DGKZ: variants seen among roughly 807,000 people sequenced by gnomAD.
DGKZ encodes the protein diacylglycerol kinase zeta.
In DGKZ, 45 loss-of-function variants were observed where a neutral mutation model predicts 142.5. The observed-to-expected ratio is 0.32, with a 90% CI of 0.25 to 0.40. The LOEUF (loss-of-function observed/expected upper bound fraction) is 0.40, where lower values mean the gene tolerates loss of function less well. Among genes scored for constraint, DGKZ ranks in the 10% least tolerant of loss-of-function variants. The probability of loss-of-function intolerance (pLI) is 1.00; values close to 1 mark genes in which losing one functional copy is unlikely to be tolerated. For synonymous variants in DGKZ, 442 were observed against 527.0 expected, an observed-to-expected ratio of 0.84 and a Z score of 2.21; for missense variants, 755 against 1,306.5, an observed-to-expected ratio of 0.58 and a Z score of 6.51.
intron 1 of DGKZ, chr11:46,361,665 T>C (rs1341322263): frequency 3.0e-6 from 3 of 985,380 alleles, no homozygotes; most frequent in Non-Finnish European, 3.6e-6. Context: ...AGCCCGGCCT[T>C]GGGGACCCCA....
chr11:46,350,553 CG>C (rs1015749316), intron 1 of DGKZ, among the ~76,000 whole-genome samples: 223 of 151,632 alleles, frequency 1.5e-3, no homozygotes, highest in African/African-American at 5.0e-3. Flanking sequence ...AGGGGCCCGA[CG>C]GGAAGATCAA....
In DGKZ at chr11:46,347,535, G is replaced by T; in HGVS notation, c.-125G>T. 1.0e-6 allele frequency: 1 copy of T among 983,546 alleles called. No individual in the cohort carries two copies. The allele number at this position is 983,546 out of a possible 1,614,324, so 60.9% of individuals were successfully genotyped here. A position where few individuals can be genotyped will look rare whatever the true frequency, so the allele number is the denominator to read the frequency against. The stretch of plus-strand genomic sequence containing the variant: ...GTGGGGAGCGGGGGCGCGCGGCGCG[G>T]GGCGGGCGGAGCGAGCGCGCGCCAT... On this transcript the variant is annotated 5_prime_UTR_variant, in exon 1 of 31. Transcript: ENST00000527911. This position sits in a 1 kb window ranked among gnomAD's most constrained non-coding sequence, Gnocchi z 6.4.
Position 46,347,584 on chromosome 11 carries a change from G to T in DGKZ, c.-76G>T. ...ATGGAGGTGGCGGGCGGCGCGGAGCGGGCGTGCTGAGCCCCGGCCGCCGGC... is the reference window on the plus strand; with the variant it reads ...ATGGAGGTGGCGGGCGGCGCGGAGCTGGCGTGCTGAGCCCCGGCCGCCGGC... On this transcript the variant is annotated 5_prime_UTR_variant, in exon 1 of 31. Transcript: ENST00000527911. The surrounding 1 kb of genome is among the most constrained non-coding windows in gnomAD (Gnocchi z 6.4). 1.8e-6 allele frequency: 2 copies of T among 1,127,664 alleles called. No homozygotes were observed. Among genetic ancestry groups the T allele is most frequent in the Non-Finnish European group, 2.2e-6 (2 of 921,610 alleles). The allele number at this position is 1,127,664 out of a possible 1,614,324, so 69.9% of individuals were successfully genotyped here.
At chr11:46,335,427 GCACACACACACA>G (rs56935902) in intron 1 of DGKZ, among the ~76,000 whole-genome samples, 4 of 147,842 alleles carry the variant, frequency 2.7e-5, no homozygotes, top group East Asian at 2.0e-4. Flanking sequence ...ACACGTGCAC[GCACACACACACA>G]CACACACACA....
At chr11:46,379,851 G>T (rs1456968245) in exon 31 of DGKZ, 1 of 1,610,522 alleles carries the variant, frequency 6.2e-7, no homozygotes, top group Non-Finnish European at 8.5e-7. Flanking sequence ...CCCGGCAGCG[G>T]GCTGAGAAGG....
intron 4 of DGKZ, 45 bp from the exon 5 acceptor site, chr11:46,369,449 G>A (rs757041070): frequency 9.3e-6 from 15 of 1,612,690 alleles, no homozygotes; most frequent in Admixed American, 5.0e-5. Context: ...ACCTGACCCC[G>A]AAGGGAGGTT....
chr11:46,366,379 G>C, intron 1 of DGKZ: 1 of 1,523,724 alleles, frequency 6.6e-7, no homozygotes, highest in Non-Finnish European at 8.8e-7. Context: ...CCGCTGGGCA[G>C]GCCTCCTCCT....
intron 1 of DGKZ, among the ~76,000 whole-genome samples, chr11:46,362,538 G>C (rs1196591001): frequency 6.6e-6 from 1 of 152,072 alleles, no homozygotes. Flanking sequence ...CTGTCTGCCA[G>C]GTATCACCAG....
At chr11:46,379,499 C>G (rs1222851796) in exon 30 of DGKZ, 1 of 1,611,206 alleles carries the variant, frequency 6.2e-7, no homozygotes, top group African/African-American at 1.3e-5. Flanking sequence ...AAGCAGCGGC[C>G]CTGGGCCAGC....
intron 25 of DGKZ, chr11:46,377,533 C>CCAG (rs1360067233): frequency 3.6e-5 from 15 of 419,056 alleles, no homozygotes; most frequent in Non-Finnish European, 5.9e-5. Context: ...GCCCTGGCCC[C>CCAG]CAGCTCTTAT....
intron 1 of DGKZ, among the ~76,000 whole-genome samples, chr11:46,351,364 C>G (rs1941359758): frequency 6.6e-6 from 1 of 152,018 alleles, no homozygotes; most frequent in South Asian, 2.1e-4. Context: ...TCACAAGCTC[C>G]CAGAGGGCAG....
intron 1 of DGKZ, among the ~76,000 whole-genome samples, chr11:46,363,603 C>T (rs1565036825): frequency 6.6e-6 from 1 of 152,232 alleles, no homozygotes; most frequent in Non-Finnish European, 1.5e-5. Context: ...GTTGTCAGTG[C>T]AGGTCTGGGG....
In DGKZ at chr11:46,372,287, G is replaced by A. The variant is rs1287917484; in HGVS notation, c.927+117G>A. On this transcript the variant is annotated intron_variant, in intron 10 of 30. Transcript: ENST00000527911. This position sits in a 1 kb window ranked among gnomAD's most constrained non-coding sequence, Gnocchi z 5.9. ...CTTCTACCCCAATCCCTCTTTCCCA[G>A]GGATCCTGAGAAAATCCTGTCCTTT... is the stretch of plus-strand genomic sequence containing the variant. 1.9e-5 allele frequency: 25 copies of A among 1,343,722 alleles called. No individual in the cohort carries two copies. In the South Asian group the frequency reaches 2.8e-4, roughly 15 times the overall value. 83.2% of individuals were successfully genotyped at this position (1,343,722 alleles called of 1,614,324 possible). A position where few individuals can be genotyped will look rare whatever the true frequency, so the allele number is the denominator to read the frequency against.
chr11:46,333,153 C>A, exon 1 of DGKZ: 2 of 850,040 alleles, frequency 2.4e-6, no homozygotes, highest in Non-Finnish European at 3.1e-6. Context: ...TCGCTAGGGA[C>A]CTGCGGAACC....
At position 46,367,227 on chromosome 11, in the gene DGKZ, G is replaced by C; in HGVS notation, c.162-64G>C. On this transcript the variant is annotated intron_variant, in intron 1 of 30. Coordinates refer to ENST00000527911, the Ensembl canonical transcript of DGKZ. This position sits in a 1 kb window ranked among gnomAD's most constrained non-coding sequence, Gnocchi z 4.1. ...GTCACGGAAAGGGCAGAGGCCCCAGGAGGTGGGAGGAAGTAGGGTCAGCAA... is the reference window on the plus strand; with the variant it reads ...GTCACGGAAAGGGCAGAGGCCCCAGCAGGTGGGAGGAAGTAGGGTCAGCAA... 1 of 1,448,472 alleles carries C rather than the reference G, an allele frequency of 6.9e-7. No homozygotes were observed. The highest frequency in any genetic ancestry group is 9.5e-7 in the Non-Finnish European group (1 of 1,052,744). The allele number at this position is 1,448,472 out of a possible 1,614,324, so 89.7% of individuals were successfully genotyped here. A position where few individuals can be genotyped will look rare whatever the true frequency, so the allele number is the denominator to read the frequency against.
At chr11:46,365,136 A>G in intron 1 of DGKZ, 1 of 985,358 alleles carries the variant, frequency 1.0e-6, no homozygotes. Context: ...TGAGTTCAGG[A>G]TGGGTCCATG....
At chr11:46,340,247 G>T (rs1047593006) in intron 1 of DGKZ, among the ~76,000 whole-genome samples, 1 of 152,202 alleles carries the variant, frequency 6.6e-6, no homozygotes, top group Non-Finnish European at 1.5e-5. Flanking sequence ...ATATCTCTGG[G>T]TGTGGTAATA....
intron 6 of DGKZ, among the ~76,000 whole-genome samples, 191 bp from the exon 7 acceptor site, chr11:46,371,122 G>T (rs1178862027): frequency 6.6e-6 from 1 of 152,154 alleles, no homozygotes; most frequent in Non-Finnish European, 1.5e-5. Context: ...AGCTGGGCAT[G>T]GTGGCACATG....
chr11:46,379,065 A>C, exon 28 of DGKZ: 1 of 1,600,882 alleles, frequency 6.2e-7, no homozygotes, highest in Non-Finnish European at 8.5e-7. Flanking sequence ...TGCACCACGC[A>C]GTCAGCACTG....
Sources: gnomAD v4.1 joint callset for allele counts (sites outside exome capture counted in the v4.1 genomes callset) on GRCh38, gnomAD v4.1.1 for gene constraint, Gnocchi (gnomAD v3.1) non-coding constraint, MANE v1.5 for transcripts, NCBI Gene and HGNC (gene_info 2026-07-23, HGNC 2026-07-21) for gene names.